Variants in WDR11 observed in about 807,000 individuals in gnomAD.
The protein encoded by WDR11 is WD repeat-containing protein 11.
A neutral mutation model predicts 151.2 loss-of-function variants in WDR11; 83 were observed. The observed-to-expected ratio is 0.55, with a 90% CI of 0.46 to 0.66. The LOEUF (loss-of-function observed/expected upper bound fraction) is 0.66, where lower values mean the gene tolerates loss of function less well. WDR11 is among the 30% of genes least tolerant of loss of function. The pLI is 0.00. For missense variants in WDR11, 1,301 were observed against 1,480.9 expected (o/e 0.88, Z 1.99); for synonymous variants, 484 against 533.1 (o/e 0.91, Z 1.27).
chr10:120,890,187 GATTTATTTATTT>G (rs71929750), intron 18 of WDR11, among the ~76,000 whole-genome samples, 178 bp downstream of exon 18: 1 of 151,070 alleles, frequency 6.6e-6, no homozygotes, highest in East Asian at 2.0e-4. Flanking sequence ...AACAACTCAA[GATTTATTTATTT>G]ATTTATTTAT....
chr10:120,868,462 C>CA (rs951099350), intron 9 of WDR11, among the ~76,000 whole-genome samples: 22 of 149,322 alleles, frequency 1.5e-4, no homozygotes, highest in Non-Finnish European at 2.1e-4. Context: ...ATCTCAAAAA[C>CA]AAAAAAAAAG....
At chr10:120,894,842 T>C (rs1590107385) in intron 19 of WDR11, among the ~76,000 whole-genome samples, 2 of 152,328 alleles carry the variant, frequency 1.3e-5, no homozygotes, top group East Asian at 3.9e-4. Context: ...CATGTGAGTT[T>C]CTCCAGATGT....
chr10:120,901,213 A>G (rs2133809761), intron 21 of WDR11, 115 bp downstream of exon 21: 1 of 902,230 alleles, frequency 1.1e-6, no homozygotes, highest in East Asian at 2.6e-5. Flanking sequence ...TTAGTGGCCC[A>G]AGAAGAGACC....
At chr10:120,886,949 T>C in intron 16 of WDR11, 113 bp downstream of exon 16, 1 of 1,138,460 alleles carries the variant, frequency 8.8e-7, no homozygotes, top group Non-Finnish European at 1.3e-6. Context: ...GTAAATAAAC[T>C]TTATTTAAGG....
intron 10 of WDR11, 104 bp downstream of exon 10, chr10:120,871,450 G>T: frequency 8.1e-7 from 1 of 1,236,092 alleles, no homozygotes. Flanking sequence ...TGCTTTAAAA[G>T]GAGATAGAGA....
chr10:120,862,981 T>C (rs927515209), intron 5 of WDR11, 60 bp downstream of exon 5: 3 of 1,160,186 alleles, frequency 2.6e-6, no homozygotes, highest in Non-Finnish European at 2.6e-6. Flanking sequence ...GCATCATTTT[T>C]GGAGATGTAC....
At chr10:120,896,694 G>A (rs1847625546) in intron 19 of WDR11, among the ~76,000 whole-genome samples, 1 of 152,198 alleles carries the variant, frequency 6.6e-6, no homozygotes, top group African/African-American at 2.4e-5. Flanking sequence ...TGTGCATGTT[G>A]TAGTCTGGAA....
intron 13 of WDR11, among the ~76,000 whole-genome samples, chr10:120,882,229 T>G (rs1383815007): frequency 6.6e-6 from 1 of 152,112 alleles, no homozygotes; most frequent in Non-Finnish European, 1.5e-5. Context: ...TTGGTCGTGA[T>G]GTATTACTGT....
chr10:120,851,876 C>T (rs773440996), intron 1 of WDR11: 1 of 362,122 alleles, frequency 2.8e-6, no homozygotes, highest in Non-Finnish European at 5.2e-6. Flanking sequence ...TTTTCTTTTT[C>T]GTTGTCTTGT....
chr10:120,883,214 T>C (rs1847087910), intron 13 of WDR11, among the ~76,000 whole-genome samples: 1 of 152,152 alleles, frequency 6.6e-6, no homozygotes, highest in African/African-American at 2.4e-5. Context: ...CTGTCACATT[T>C]CCTCTATGTC....
intron 23 of WDR11, among the ~76,000 whole-genome samples, chr10:120,903,817 T>C (rs1337754339): frequency 6.6e-6 from 1 of 152,222 alleles, no homozygotes; most frequent in Non-Finnish European, 1.5e-5. Flanking sequence ...CCGGCTCTAC[T>C]TAAGTGTCAG....
chr10:120,871,384 T>C (rs200768327), intron 10 of WDR11, 38 bp downstream of exon 10: 24 of 1,587,786 alleles, frequency 1.5e-5, no homozygotes, highest in East Asian at 2.2e-5. Context: ...TTTAACTCAC[T>C]TTATAAGATG....
chr10:120,889,322 C>CT, intron 17 of WDR11, 138 bp downstream of exon 17: 1 of 674,306 alleles, frequency 1.5e-6, no homozygotes, highest in South Asian at 1.6e-5. Context: ...ACTGCAAGCT[C>CT]TGACTCCCGG....
chr10:120,866,628 G>T lies in WDR11; in HGVS notation c.1054G>T (p.Val352Leu). Residue 352 changes from valine (V) to leucine (L), a missense_variant, in exon 8 of 29, where the codon GTG becomes TTG. Coordinates refer to ENST00000263461, the MANE Select transcript of WDR11 (RefSeq NM_018117.12). ...ACGAAGCCAGTGTGATGCAATCAGG[G>T]TGACAAAAACCGTCCGTCCCTTCAG... is the stretch of plus-strand genomic sequence containing the variant. ...DLRSQCDAIR[V>L]TKTVRPFSMV... is the part of the protein sequence containing the mutation. 1 of 1,614,162 alleles carries T rather than the reference G, an allele frequency of 6.2e-7. No individual in the cohort carries two copies. Among genetic ancestry groups the T allele is most frequent in the East Asian group, 2.2e-5 (1 of 44,882 alleles).
intron 4 of WDR11, 52 bp from the exon 5 acceptor site, chr10:120,862,682 TG>T: frequency 6.4e-7 from 1 of 1,563,942 alleles, no homozygotes; most frequent in Non-Finnish European, 8.8e-7. Flanking sequence ...GGAATAAAAC[TG>T]TATGCTAAAC....
rs17100985 is a variant in WDR11, at chr10:120,851,415, G to A, written c.-6G>A. The A allele has an allele frequency of 0.011, 18,165 of 1,608,060 alleles. 1,674 individuals are homozygous for A. The African/African-American group carries it at 0.21, about 18-fold the overall frequency. ...TCAGCGCCCAGGTCCTGGGCTGGCC[G>A]CCGGGATGTTGCCCTACACAGTGAA... On this transcript the variant is annotated 5_prime_UTR_variant, in exon 1 of 29. Transcript: ENST00000263461.
chr10:120,870,638 T>C (rs1211399528), intron 9 of WDR11, among the ~76,000 whole-genome samples: 1 of 152,226 alleles, frequency 6.6e-6, no homozygotes. Flanking sequence ...TATATTTACT[T>C]ATAAAACATT....
Position 120,868,251 on chromosome 10 carries a change from C to T in WDR11, c.1294+1082C>T, listed in dbSNP as rs534666821. Among the ~76,000 whole-genome samples the T allele has an allele frequency of 4.6e-4, 70 of 152,064 alleles. 2 individuals are homozygous for T. Among genetic ancestry groups the T allele is most frequent in the African/African-American group, 1.2e-3 (50 of 41,506 alleles). On this transcript the variant is annotated intron_variant, in intron 9 of 28. Transcript: ENST00000263461. ...GGAGGATCACTTGAGGTCAGGAGTT[C>T]GAGACCAGCCTGGCCAACATAGTGA...
rs573568799 is a variant in WDR11, at chr10:120,896,781, C to T, written c.2516-3248C>T. Among the ~76,000 whole-genome samples, 13 of 152,080 alleles carry T rather than the reference C, an allele frequency of 8.5e-5. No individual in the cohort carries two copies. In the South Asian group the frequency reaches 2.5e-3, roughly 29 times the overall value. ...AAAGGGAGATATGGATGGGAAATGG[C>T]GGTGGTGGGAAGAAACATTCCAGGG... On this transcript the variant is annotated intron_variant, in intron 19 of 28. Transcript: ENST00000263461.
Sources: allele counts gnomAD v4.1 joint callset (sites outside exome capture counted in the v4.1 genomes callset), GRCh38; gene constraint gnomAD v4.1.1; transcripts MANE v1.5; gene names NCBI Gene and HGNC (gene_info 2026-07-23, HGNC 2026-07-21).